The following ELSPBP1 variants were observed in gnomAD, a reference collection of about 807,000 sequenced individuals.
The protein encoded by ELSPBP1 is epididymal sperm binding protein 1.
ELSPBP1 carries 38 observed loss-of-function variants against 33.3 expected under a neutral mutation model. The observed-to-expected ratio is 1.14, with a 90% CI of 0.88 to 1.50. ELSPBP1 has a LOEUF of 1.50. Among genes scored for constraint, ELSPBP1 ranks in the 40% most tolerant of loss-of-function variants. ELSPBP1 has a pLI of 0.00. For synonymous variants in ELSPBP1, 85 were observed against 94.1 expected (o/e 0.90, Z 0.56); for missense variants, 267 against 263.5 (o/e 1.01, Z -0.09).
chr19:47,999,441 T>G (rs190677444), intron 1 of ELSPBP1, among the ~76,000 whole-genome samples: 1 of 145,804 alleles, frequency 6.9e-6, no homozygotes, highest in East Asian at 2.0e-4. Flanking sequence ...CAGGCTGGAA[T>G]GCAGTGGTGT....
chr19:48,002,717 G>A (rs190137062), intron 1 of ELSPBP1, among the ~76,000 whole-genome samples: 301 of 152,322 alleles, frequency 2.0e-3, no homozygotes, highest in Admixed American at 3.8e-3. Context: ...GCTTGAACCG[G>A]GGAGGCGGAG....
intron 4 of ELSPBP1, among the ~76,000 whole-genome samples, chr19:48,019,413 A>G (rs1022802325): frequency 2.0e-5 from 3 of 152,134 alleles, no homozygotes; most frequent in Non-Finnish European, 2.9e-5. Flanking sequence ...TCTGGAATGA[A>G]TAATAGGGCT....
intron 2 of ELSPBP1, among the ~76,000 whole-genome samples, chr19:48,010,479 A>T (rs1174621623): frequency 6.6e-6 from 1 of 152,176 alleles, no homozygotes; most frequent in Non-Finnish European, 1.5e-5. Flanking sequence ...AATAAACAAA[A>T]CCTAAACCCT....
chr19:48,015,779 C>G, intron 3 of ELSPBP1, 114 bp from the exon 4 acceptor site: 1 of 952,712 alleles, frequency 1.0e-6, no homozygotes, highest in South Asian at 2.3e-5. Context: ...TGCATAAAGT[C>G]TCTTCTGAAC....
rs757327887 is a variant in ELSPBP1, at chr19:48,019,876, C to G, written c.513C>G (p.Thr171=). 1.6e-5 allele frequency: 26 copies of G among 1,609,742 alleles called. No homozygotes were observed. Among genetic ancestry groups the G allele is most frequent in the Non-Finnish European group, 2.0e-5 (24 of 1,177,706 alleles). ...KDGKWSFCAD[T]RISALVPGFP... ...GAAAGTGGAGTTTCTGTGCCGACAC[C>G]AGTAATCTGGGGATGGGGGTTGGGT... is the stretch of plus-strand genomic sequence containing the variant. The change falls in exon 5 of 7, where the codon ACC becomes ACG. Residue 171 remains threonine (T), a splice_region_variant and synonymous_variant. Transcript: ENST00000339841.
At position 48,011,957 on chromosome 19, in the gene ELSPBP1, A is replaced by G. The variant is rs974820243; in HGVS notation, c.71-2214A>G. On this transcript the variant is annotated intron_variant, in intron 2 of 6. Transcript: ENST00000339841. The surrounding 1 kb of genome is among the most constrained non-coding windows in gnomAD (Gnocchi z 4.5). ...AATGAACTAACAGTTGAGCAAGTTGAGCTCTCATCCCAGGTCTACAAAAAA... is the reference window on the plus strand; with the variant it reads ...AATGAACTAACAGTTGAGCAAGTTGGGCTCTCATCCCAGGTCTACAAAAAA... 2.0e-5 allele frequency among the ~76,000 whole-genome samples: 3 copies of G among 152,206 alleles called. No individual in the cohort carries two copies. The highest frequency in any genetic ancestry group is 1.3e-4 in the Admixed American group (2 of 15,272).
chr19:48,022,433 A>G, intron 6 of ELSPBP1, 99 bp downstream of exon 6: 1 of 1,134,066 alleles, frequency 8.8e-7, no homozygotes, highest in South Asian at 1.9e-5. Context: ...CTGCTTTTTC[A>G]AGCGTGTCTG....
intron 6 of ELSPBP1, among the ~76,000 whole-genome samples, chr19:48,023,567 G>GGGAA (rs547613526): frequency 2.1e-5 from 2 of 97,530 alleles, no homozygotes; most frequent in Non-Finnish European, 4.4e-5. Flanking sequence ...GGGAAAGGAA[G>GGGAA]GGAAGGAAGG....
intron 1 of ELSPBP1, among the ~76,000 whole-genome samples, chr19:48,000,771 T>A (rs1307031779): frequency 6.6e-6 from 1 of 152,186 alleles, no homozygotes; most frequent in Non-Finnish European, 1.5e-5. Context: ...TAGACACCTT[T>A]GCTCCGTACC....
At chr19:48,015,371 G>A (rs1967120592) in intron 3 of ELSPBP1, among the ~76,000 whole-genome samples, 1 of 151,700 alleles carries the variant, frequency 6.6e-6, no homozygotes, top group Non-Finnish European at 1.5e-5. Context: ...AAACACCCAT[G>A]CCCACTGGGC....
chr19:48,016,319 G>A (rs73941487), intron 4 of ELSPBP1, among the ~76,000 whole-genome samples: 4,464 of 152,210 alleles, frequency 0.029, 207 homozygotes, highest in African/African-American at 0.1. Flanking sequence ...TCTGTTTCTA[G>A]AACTGACAAT....
At position 48,016,050 on chromosome 19, in the gene ELSPBP1, G is replaced by T. The variant is rs762115342; in HGVS notation, c.355+11G>T. The T allele has an allele frequency of 9.9e-6, 16 of 1,612,298 alleles. No individual in the cohort carries two copies. The Admixed American group carries it at 1.5e-4, about 15-fold the overall frequency. ...TCTGTGAAACGAATGGTGAGCCCCT[G>T]TAGCAGGGATGGGATGTGTGGTGGG... On this transcript the variant is annotated intron_variant, in intron 4 of 6. Transcript: ENST00000339841.
chr19:48,018,314 CTG>C (rs1967163632), intron 4 of ELSPBP1, among the ~76,000 whole-genome samples: 1 of 152,116 alleles, frequency 6.6e-6, no homozygotes, highest in East Asian at 1.9e-4. Flanking sequence ...TTTGTAAAGA[CTG>C]GAGTTTATTT....
chr19:48,020,608 G>A (rs1189054010), intron 5 of ELSPBP1, among the ~76,000 whole-genome samples: 2 of 152,174 alleles, frequency 1.3e-5, no homozygotes, highest in African/African-American at 4.8e-5. Flanking sequence ...ATCCATGAAA[G>A]ATGAGGACAC....
chr19:48,006,621 CAAAAA>C (rs1190341508), intron 1 of ELSPBP1, among the ~76,000 whole-genome samples: 3 of 20,878 alleles, frequency 1.4e-4, no homozygotes, highest in Non-Finnish European at 2.0e-4. Context: ...GACCCTGTCT[CAAAAA>C]AAAAAAAAAA....
chr19:48,001,175 G>GT (rs58448046), intron 1 of ELSPBP1, among the ~76,000 whole-genome samples: 29,433 of 142,678 alleles, frequency 0.21, 3,045 homozygotes, highest in East Asian at 0.35. Context: ...CTCTCTCTCT[G>GT]TTTTTTTTTT....
chr19:48,019,538 G>C (rs1217214806), intron 4 of ELSPBP1, among the ~76,000 whole-genome samples, 181 bp from the exon 5 acceptor site: 5 of 152,170 alleles, frequency 3.3e-5, no homozygotes, highest in African/African-American at 1.2e-4. Context: ...TGCACGAGTT[G>C]ATAGTTTTGG....
At chr19:48,022,416 G>T (rs951963948) in intron 6 of ELSPBP1, 82 bp downstream of exon 6, 37 of 1,261,024 alleles carry the variant, frequency 2.9e-5, no homozygotes, top group Non-Finnish European at 3.7e-5. Flanking sequence ...TGATGCGAAG[G>T]CGAGATCTGC....
At chr19:48,015,079 CAT>C (rs1166208922) in intron 3 of ELSPBP1, among the ~76,000 whole-genome samples, 2 of 152,002 alleles carry the variant, frequency 1.3e-5, no homozygotes, top group Non-Finnish European at 2.9e-5. Flanking sequence ...TCAATTAACA[CAT>C]ATGTTTTATG....
Sources: allele counts gnomAD v4.1 joint callset (sites outside exome capture counted in the v4.1 genomes callset), GRCh38; gene constraint gnomAD v4.1.1; non-coding constraint Gnocchi (gnomAD v3.1); transcripts MANE v1.5; gene names NCBI Gene and HGNC (gene_info 2026-07-23, HGNC 2026-07-21).